DAPK2: variants seen among roughly 807,000 people sequenced by gnomAD.
The protein encoded by DAPK2 is death-associated protein kinase 2.
A neutral mutation model predicts 44.1 loss-of-function variants in DAPK2; 35 were observed. That is an observed-to-expected ratio of 0.79 (90% CI 0.61 to 1.05). The LOEUF (loss-of-function observed/expected upper bound fraction) is 1.05. Ranked by LOEUF, DAPK2 falls within the 50% of genes least tolerant of loss-of-function variation. The pLI is 0.00. For synonymous variants in DAPK2, 174 were observed against 182.6 expected (o/e 0.95, Z 0.38); for missense variants, 453 against 483.2 (o/e 0.94, Z 0.59).
intron 4 of DAPK2, among the ~76,000 whole-genome samples, chr15:63,934,644 G>A (rs748743645): frequency 7.2e-5 from 11 of 152,054 alleles, no homozygotes; most frequent in Non-Finnish European, 1.3e-4. Context: ...TGCAACCTCC[G>A]CCTCCCAGGT....
At chr15:64,039,287 C>T (rs1258898197) in intron 1 of DAPK2, among the ~76,000 whole-genome samples, 3 of 152,218 alleles carry the variant, frequency 2.0e-5, no homozygotes, top group South Asian at 2.1e-4. Context: ...GCTAGGTGCT[C>T]TGATGAGCAT....
chr15:63,925,392 C>G (rs2079213393), intron 7 of DAPK2, among the ~76,000 whole-genome samples: 1 of 152,048 alleles, frequency 6.6e-6, no homozygotes, highest in African/African-American at 2.4e-5. Flanking sequence ...TCTTCCTGCC[C>G]CATCCAGAGC....
In DAPK2 at chr15:63,912,259, G is replaced by A. The variant is rs1163824011; in HGVS notation, c.859-62C>T. 5.9e-6 allele frequency: 9 copies of A among 1,535,790 alleles called. No individual in the cohort carries two copies. The highest frequency in any genetic ancestry group is 1.7e-5 in the Admixed American group (1 of 59,280). ...GCTTCAGACAGCAGCCACCCTCCTC[G>A]CCGCAGAACTCCCCACCCACCGCAT... On this transcript the variant is annotated intron_variant, in intron 8 of 10. Coordinates refer to ENST00000261891, the Ensembl canonical transcript of DAPK2. The surrounding 1 kb of genome is among the most constrained non-coding windows in gnomAD (Gnocchi z 4.4).
chr15:64,009,057 C>A (rs896124447), intron 1 of DAPK2, among the ~76,000 whole-genome samples: 1 of 152,210 alleles, frequency 6.6e-6, no homozygotes, highest in Admixed American at 6.5e-5. Flanking sequence ...ACATGAGGCC[C>A]TCCTCTATTT....
In DAPK2 at chr15:64,028,255, C is replaced by T. The variant is rs572363866; in HGVS notation, c.92+11915G>A. Among the ~76,000 whole-genome samples, 5 of 152,290 alleles carry T rather than the reference C, an allele frequency of 3.3e-5. No homozygotes were observed. The South Asian group carries it at 6.2e-4, about 19-fold the overall frequency. ...TGTATTTTTAGTAGAGATGGGGTTT[C>T]GCCATGTTGGCCATACTTGTCTTGA... On this transcript the variant is annotated intron_variant, in intron 1 of 10. Coordinates refer to ENST00000261891, the Ensembl canonical transcript of DAPK2.
intron 10 of DAPK2, chr15:63,911,089 C>T (rs1400602971): frequency 1.3e-5 from 2 of 153,044 alleles, no homozygotes; most frequent in East Asian, 3.8e-4. Context: ...TGTGGTGGCG[C>T]ATGACTGTAA....
chr15:63,955,603 C>T (rs953810175), intron 3 of DAPK2, among the ~76,000 whole-genome samples: 3 of 152,152 alleles, frequency 2.0e-5, no homozygotes, highest in African/African-American at 7.2e-5. Flanking sequence ...GGGTCTCACT[C>T]TGTCACCGAG....
intron 2 of DAPK2, among the ~76,000 whole-genome samples, chr15:63,974,115 TAGTTGATGTG>T (rs2078284702): frequency 6.6e-6 from 1 of 152,172 alleles, no homozygotes. Context: ...TTGCTTCCTA[TAGTTGATGTG>T]ACAGAGCAAA....
rs190219499 is a variant in DAPK2, at chr15:64,010,488, A to T, written c.93-26734T>A. On this transcript the variant is annotated intron_variant, in intron 1 of 10. Coordinates refer to ENST00000261891, the Ensembl canonical transcript of DAPK2. ...CATAGGTATAGGCATGGGGATCCGCATTCTTGGCTTTTTCAATGTGATGAT... is the reference window on the plus strand; with the variant it reads ...CATAGGTATAGGCATGGGGATCCGCTTTCTTGGCTTTTTCAATGTGATGAT... Among the ~76,000 whole-genome samples the T allele has an allele frequency of 1.7e-4, 26 of 152,264 alleles. 1 individual carries two copies. Among genetic ancestry groups the T allele is most frequent in the Admixed American group, 1.6e-3 (25 of 15,296 alleles).
rs780345284 is a variant in DAPK2 at position 63,908,705 on chromosome 15, A to G, written c.1033-105T>C. ...GTTGATTCACCTGGACCACGGGACT[A>G]CAAGCCAGGGAGGTGGGTGGTGAAA... On this transcript the variant is annotated intron_variant, in intron 10 of 10. Transcript: ENST00000261891. This position sits in a 1 kb window ranked among gnomAD's most constrained non-coding sequence, Gnocchi z 5.7. 2.1e-4 allele frequency: 193 copies of G among 908,020 alleles called. 1 individual carries two copies. Among genetic ancestry groups the G allele is most frequent in the Middle Eastern group, 2.3e-4 (1 of 4,314 alleles). 56.2% of individuals were successfully genotyped at this position (908,020 alleles called of 1,614,324 possible). A position where few individuals can be genotyped will look rare whatever the true frequency, so the allele number is the denominator to read the frequency against.
chr15:63,993,692 A>C (rs983039957), intron 1 of DAPK2, among the ~76,000 whole-genome samples: 14 of 152,084 alleles, frequency 9.2e-5, no homozygotes, highest in African/African-American at 3.4e-4. Flanking sequence ...GGCAAAGTAC[A>C]GGGTTAGGGG....
At chr15:64,018,374 G>C (rs564879503) in intron 1 of DAPK2, among the ~76,000 whole-genome samples, 3 of 152,268 alleles carry the variant, frequency 2.0e-5, no homozygotes, top group Admixed American at 1.3e-4. Context: ...CTAACCCAGC[G>C]AAAAAGCTAA....
chr15:64,026,973 T>G (rs761718743), intron 1 of DAPK2, among the ~76,000 whole-genome samples: 21 of 152,186 alleles, frequency 1.4e-4, no homozygotes, highest in Non-Finnish European at 2.5e-4. Flanking sequence ...ACTTACATAG[T>G]GGCTCACCGC....
chr15:64,028,762 TAGACAGAC>T (rs980805380), intron 1 of DAPK2, among the ~76,000 whole-genome samples: 1 of 151,066 alleles, frequency 6.6e-6, no homozygotes, highest in Non-Finnish European at 1.5e-5. Context: ...GGTAGGCAGG[TAGACAGAC>T]AGACAGACAG....
At chr15:64,000,112 G>C (rs530002463) in intron 1 of DAPK2, among the ~76,000 whole-genome samples, 12 of 151,996 alleles carry the variant, frequency 7.9e-5, no homozygotes, top group Admixed American at 7.2e-4. Flanking sequence ...GTACAGAATA[G>C]ATCAAAGCAT....
intron 2 of DAPK2, 53 bp from the exon 4 acceptor site, chr15:63,971,614 G>A (rs1252775002): frequency 6.3e-7 from 1 of 1,594,256 alleles, no homozygotes; most frequent in African/African-American, 1.3e-5. Context: ...AGCTCTGCAT[G>A]TCATGAGGCT....
chr15:64,043,889 C>G (rs1213770118), upstream of DAPK2, among the ~76,000 whole-genome samples: 1 of 152,166 alleles, frequency 6.6e-6, no homozygotes, highest in Non-Finnish European at 1.5e-5. Context: ...ACAGTAGGCA[C>G]TATATAAGTG....
chr15:63,908,695 C>T lies in DAPK2; in HGVS notation c.1033-95G>A. On this transcript the variant is annotated intron_variant, in intron 10 of 10. Coordinates refer to ENST00000261891, the Ensembl canonical transcript of DAPK2. This position sits in a 1 kb window ranked among gnomAD's most constrained non-coding sequence, Gnocchi z 5.7. ...GGCAACCTGGGTTGATTCACCTGGA[C>T]CACGGGACTACAAGCCAGGGAGGTG... is the stretch of plus-strand genomic sequence containing the variant. 2 of 1,014,530 alleles carry T rather than the reference C, an allele frequency of 2.0e-6. No individual in the cohort carries two copies. The highest frequency in any genetic ancestry group is 2.8e-6 in the Non-Finnish European group (2 of 722,004). The allele number at this position is 1,014,530 out of a possible 1,614,324, so 62.8% of individuals were successfully genotyped here. A position where few individuals can be genotyped will look rare whatever the true frequency, so the allele number is the denominator to read the frequency against.
At chr15:64,043,438 A>T (rs1423441845), upstream of DAPK2, among the ~76,000 whole-genome samples, 1 of 152,250 alleles carries the variant, frequency 6.6e-6, no homozygotes, top group Non-Finnish European at 1.5e-5. Flanking sequence ...ATAAGAATTA[A>T]CAAACTACTG....
Sources: gnomAD v4.1 joint callset for allele counts (sites outside exome capture counted in the v4.1 genomes callset) on GRCh38, gnomAD v4.1.1 for gene constraint, Gnocchi (gnomAD v3.1) non-coding constraint, MANE v1.5 for transcripts, NCBI Gene and HGNC (gene_info 2026-07-23, HGNC 2026-07-21) for gene names.